Variants in THADA observed in about 807,000 individuals in gnomAD.
The protein encoded by THADA is tRNA (32-2'-O)-methyltransferase regulator THADA.
A neutral mutation model predicts 219.8 loss-of-function variants in THADA; 213 were observed. The observed-to-expected ratio is 0.97, with a 90% CI of 0.87 to 1.09. The LOEUF (loss-of-function observed/expected upper bound fraction) is 1.09. Ranked by LOEUF, THADA falls within the 50% of genes least tolerant of loss-of-function variation. THADA has a pLI of 0.00. For missense variants in THADA, 2,956 were observed against 2,311.3 expected, an observed-to-expected ratio of 1.28 and a Z score of -5.72; for synonymous variants, 1,018 against 828.9, an observed-to-expected ratio of 1.23 and a Z score of -3.92.
At chr2:43,292,048 T>C in intron 33 of THADA, 56 bp downstream of exon 33, 2 of 1,194,598 alleles carry the variant, frequency 1.7e-6, no homozygotes, top group Admixed American at 2.4e-5. Context: ...CATTACATAA[T>C]GACTGATGGG....
Position 43,428,189 on chromosome 2 carries a change from T to G in THADA, c.3969A>C (p.Leu1323Phe). ...EPNRHPSMFL[L>F]LLVLERLYAS... ...CGTAGAGTCTCTCCAACACCAAAAGTAAGAGAAACATGCTTGGATGACGAT... is the reference window on the plus strand; with the variant it reads ...CGTAGAGTCTCTCCAACACCAAAAGGAAGAGAAACATGCTTGGATGACGAT... The change falls in exon 28 of 38, where the codon TTA becomes TTC. Residue 1323 changes from leucine (L) to phenylalanine (F), a missense_variant. By Grantham distance (22) the Leu-to-Phe change is conservative. Coordinates refer to ENST00000405975, the MANE Select transcript of THADA (RefSeq NM_022065.5). 5 of 1,607,794 alleles carry G rather than the reference T, an allele frequency of 3.1e-6. No individual in the cohort carries two copies. The highest frequency in any genetic ancestry group is 4.2e-6 in the Non-Finnish European group (5 of 1,176,492).
At chr2:43,355,750 T>C (rs1377367261) in intron 29 of THADA, among the ~76,000 whole-genome samples, 4 of 152,212 alleles carry the variant, frequency 2.6e-5, no homozygotes, top group African/African-American at 7.2e-5. Context: ...GAAAAAACTA[T>C]CCCTTTCCCA....
intron 28 of THADA, among the ~76,000 whole-genome samples, chr2:43,415,941 T>C (rs1361867231): frequency 2.0e-5 from 3 of 152,218 alleles, no homozygotes; most frequent in African/African-American, 4.8e-5. Context: ...AATTAAATTC[T>C]GATGTCTTAA....
At chr2:43,359,532 T>C (rs1669254800) in intron 29 of THADA, among the ~76,000 whole-genome samples, 1 of 152,094 alleles carries the variant, frequency 6.6e-6, no homozygotes, top group Non-Finnish European at 1.5e-5. Context: ...ATACAAAAAT[T>C]AGCCAGGCAT....
chr2:43,566,825 A>T lies in THADA; in HGVS notation c.2188-4T>A, dbSNP rs1436704564. The T allele has an allele frequency of 3.1e-6, 2 of 642,036 alleles. No homozygotes were observed. Among genetic ancestry groups the T allele is most frequent in the Admixed American group, 7.4e-5 (1 of 13,578 alleles). The allele number at this position is 642,036 out of a possible 1,614,324, so 39.8% of individuals were successfully genotyped here. A position where few individuals can be genotyped will look rare whatever the true frequency, so the allele number is the denominator to read the frequency against. On this transcript the variant is annotated splice_polypyrimidine_tract_variant and splice_region_variant and intron_variant, in intron 14 of 37. Coordinates refer to ENST00000405975, the MANE Select transcript of THADA (RefSeq NM_022065.5). ...TACAAATGGATGACATGAAATTCTT[A>T]AAAAAAAAAAAAAAATTACAGTAAG...
At chr2:43,459,920 G>C (rs1683427066) in intron 26 of THADA, among the ~76,000 whole-genome samples, 1 of 152,132 alleles carries the variant, frequency 6.6e-6, no homozygotes, top group Non-Finnish European at 1.5e-5. Context: ...GACCAAATGA[G>C]TTCAGCACGG....
intron 26 of THADA, among the ~76,000 whole-genome samples, chr2:43,458,095 C>T (rs1683226410): frequency 6.6e-6 from 1 of 152,190 alleles, no homozygotes; most frequent in Non-Finnish European, 1.5e-5. Context: ...CATGAAAATA[C>T]TGCCAAAGAA....
In THADA at chr2:43,400,476, TAA is replaced by T. The variant is rs869167502; in HGVS notation, c.4059-2339_4059-2338del. ...ACAAATTTATATATATATATATATA[TAA>T]ATATATACACTAAGAAAAAAAATTT... On this transcript the variant is annotated intron_variant, in intron 28 of 37. Coordinates refer to ENST00000405975, the MANE Select transcript of THADA (RefSeq NM_022065.5). Among the ~76,000 whole-genome samples, 725 of 144,436 alleles carry T rather than the reference TAA, an allele frequency of 5.0e-3. 44 individuals are homozygous for T. The highest frequency in any genetic ancestry group is 7.9e-3 in the Non-Finnish European group (519 of 65,718). The allele number at this position is 144,436 out of a possible 152,430, so 94.8% of individuals were successfully genotyped here.
intron 31 of THADA, among the ~76,000 whole-genome samples, chr2:43,309,284 T>C (rs770851186): frequency 6.6e-6 from 1 of 152,254 alleles, no homozygotes; most frequent in Non-Finnish European, 1.5e-5. Context: ...ATTTTGGTAG[T>C]TTCTTGTAAC....
chr2:43,588,939 G>A (rs1275179529), intron 4 of THADA, among the ~76,000 whole-genome samples: 2 of 151,986 alleles, frequency 1.3e-5, no homozygotes, highest in Non-Finnish European at 2.9e-5. Context: ...ACCATATATA[G>A]ATACATACAT....
At chr2:43,400,877 G>C (rs1311824260) in intron 28 of THADA, among the ~76,000 whole-genome samples, 1 of 152,090 alleles carries the variant, frequency 6.6e-6, no homozygotes, top group African/African-American at 2.4e-5. Context: ...ATTCTGTGCT[G>C]TTTTAAAAAG....
chr2:43,476,630 C>A (rs1685582565), intron 26 of THADA, among the ~76,000 whole-genome samples: 1 of 152,134 alleles, frequency 6.6e-6, no homozygotes, highest in Admixed American at 6.5e-5. Flanking sequence ...TTAGGAATGA[C>A]AACAACAGAG....
At chr2:43,279,250 C>T (rs1342573826) in intron 36 of THADA, among the ~76,000 whole-genome samples, 1 of 152,168 alleles carries the variant, frequency 6.6e-6, no homozygotes, top group African/African-American at 2.4e-5. Flanking sequence ...CTCCCCTCCT[C>T]CCTCCTGGGT....
At chr2:43,314,459 C>G (rs6730757) in intron 31 of THADA, among the ~76,000 whole-genome samples, 3 of 151,922 alleles carry the variant, frequency 2.0e-5, no homozygotes, top group African/African-American at 7.3e-5. Context: ...AATTCAGTAG[C>G]TGTGACAGAC....
chr2:43,411,748 G>GCGTTACATTGAAAC lies in THADA; in HGVS notation c.4059-13610_4059-13609insGTTTCAATGTAACG, dbSNP rs1317772225. 5.9e-5 allele frequency among the ~76,000 whole-genome samples: 9 copies of GCGTTACATTGAAAC among 152,238 alleles called. No homozygotes were observed. The East Asian group carries it at 1.7e-3, about 29-fold the overall frequency. On this transcript the variant is annotated intron_variant, in intron 28 of 37. Transcript: ENST00000405975. ...CCTGCCACTAATTAAAAATATACTA[G>GCGTTACATTGAAAC]TGTTACAAGTATACAGTTTCAATGG... is the stretch of plus-strand genomic sequence containing the variant.
intron 26 of THADA, among the ~76,000 whole-genome samples, chr2:43,476,838 G>A (rs1685612745): frequency 6.6e-6 from 1 of 151,938 alleles, no homozygotes; most frequent in Non-Finnish European, 1.5e-5. Flanking sequence ...TCAAATCATT[G>A]GGAAAATGGA....
At chr2:43,388,328 A>G (rs978141276) in intron 29 of THADA, among the ~76,000 whole-genome samples, 5 of 152,210 alleles carry the variant, frequency 3.3e-5, no homozygotes, top group South Asian at 2.1e-4. Flanking sequence ...CATAATTTTT[A>G]AAGTATATTC....
At chr2:43,497,552 G>T (rs947446996) in intron 25 of THADA, among the ~76,000 whole-genome samples, 3 of 152,134 alleles carry the variant, frequency 2.0e-5, no homozygotes, top group Non-Finnish European at 4.4e-5. Flanking sequence ...GGAAGGGAGG[G>T]AGAACATCAG....
At chr2:43,551,956 TA>T in intron 18 of THADA, 31 bp from the exon 19 acceptor site, 1 of 1,580,784 alleles carries the variant, frequency 6.3e-7, no homozygotes. Context: ...AAATTTATAC[TA>T]AAAGCAAAAA....
Sources: gnomAD v4.1 joint callset for allele counts (sites outside exome capture counted in the v4.1 genomes callset) on GRCh38, gnomAD v4.1.1 for gene constraint, MANE v1.5 for transcripts, NCBI Gene and HGNC (gene_info 2026-07-23, HGNC 2026-07-21) for gene names.